Variants in MEIG1 observed in about 807,000 individuals in gnomAD.
MEIG1 encodes meiosis expressed gene 1 protein homolog.
In MEIG1, 12 loss-of-function variants were observed where a neutral mutation model predicts 11.3. The observed-to-expected ratio is 1.07, with a 90% CI of 0.68 to 1.73. The LOEUF is 1.73. Among genes scored for constraint, MEIG1 ranks in the 40% most tolerant of loss-of-function variants. MEIG1 has a pLI of 0.00. For synonymous variants in MEIG1, 41 were observed against 33.2 expected (o/e 1.24, Z -0.81); for missense variants, 119 against 104.9 (o/e 1.13, Z -0.59).
At chr10:14,967,980 G>C (rs1280255095) in intron 2 of MEIG1, among the ~76,000 whole-genome samples, 1 of 151,818 alleles carries the variant, frequency 6.6e-6, no homozygotes, top group East Asian at 1.9e-4. Flanking sequence ...ATTGGTCAAG[G>C]GTCAACTGTA....
chr10:14,957,590 T>C (rs1194126465), upstream of MEIG1, among the ~76,000 whole-genome samples: 1 of 152,128 alleles, frequency 6.6e-6, no homozygotes, highest in African/African-American at 2.4e-5. Flanking sequence ...TGGGAAGCCA[T>C]TGCAGGGTTG....
At chr10:14,980,875 A>T (rs1263760374) in intron 1 of MEIG1, among the ~76,000 whole-genome samples, 1 of 152,168 alleles carries the variant, frequency 6.6e-6, no homozygotes, top group African/African-American at 2.4e-5. Flanking sequence ...AGGTCCAAGC[A>T]GGTGAAGCAG....
chr10:14,959,231 C>T (rs1221543814), upstream of MEIG1, among the ~76,000 whole-genome samples: 2 of 152,196 alleles, frequency 1.3e-5, no homozygotes, highest in African/African-American at 4.8e-5. Flanking sequence ...TGAGCCCTGG[C>T]AGCGCTCCTA....
At chr10:14,981,152 C>G (rs1291980746) in intron 1 of MEIG1, among the ~76,000 whole-genome samples, 1 of 151,432 alleles carries the variant, frequency 6.6e-6, no homozygotes, top group Non-Finnish European at 1.5e-5. Context: ...GCGGCTGGGC[C>G]CCAGTCTTAA....
intron 1 of MEIG1, among the ~76,000 whole-genome samples, chr10:14,981,472 G>A (rs1425405158): frequency 1.3e-5 from 2 of 152,126 alleles, no homozygotes; most frequent in East Asian, 3.9e-4. Flanking sequence ...CGAGCAGAAA[G>A]CTTGCTTTGC....
upstream of MEIG1, among the ~76,000 whole-genome samples, chr10:14,956,314 C>T (rs575552770): frequency 5.8e-4 from 89 of 152,254 alleles, no homozygotes; most frequent in Middle Eastern, 0.014. Context: ...TGTGGTGGCT[C>T]ATGCCTATAA....
chr10:14,977,395 A>G (rs768358106), downstream of MEIG1, among the ~76,000 whole-genome samples: 3 of 141,796 alleles, frequency 2.1e-5, no homozygotes, highest in Non-Finnish European at 3.0e-5. Flanking sequence ...AAATGCGTGT[A>G]CACGTGATAT....
At chr10:14,966,741 A>T in intron 2 of MEIG1, 135 bp downstream of exon 2, 1 of 890,944 alleles carries the variant, frequency 1.1e-6, no homozygotes. Context: ...TCTTTTATTT[A>T]CTTTTATTTT....
chr10:14,955,558 G>C (rs999640568), upstream of MEIG1, among the ~76,000 whole-genome samples: 5 of 152,072 alleles, frequency 3.3e-5, no homozygotes, highest in African/African-American at 4.8e-5. Context: ...ACAAAAATCG[G>C]CCGGGCATGG....
intron 2 of MEIG1, chr10:14,970,350 A>G (rs1018550279): frequency 1.3e-5 from 2 of 152,282 alleles, no homozygotes; most frequent in Non-Finnish European, 2.9e-5. Context: ...AATGTCTAGA[A>G]GTCAACAAGC....
upstream of MEIG1, among the ~76,000 whole-genome samples, chr10:14,955,350 G>A (rs1219257484): frequency 6.6e-6 from 1 of 152,140 alleles, no homozygotes; most frequent in Non-Finnish European, 1.5e-5. Context: ...CCACAGAGAC[G>A]CAAGGTAACG....
At chr10:14,973,935 G>C (rs560431726), downstream of MEIG1, among the ~76,000 whole-genome samples, 12 of 152,232 alleles carry the variant, frequency 7.9e-5, no homozygotes, top group South Asian at 2.5e-3. Flanking sequence ...GCGCTTTGAC[G>C]GACTAAGGCC....
At chr10:14,968,831 C>T (rs1843117655) in intron 2 of MEIG1, among the ~76,000 whole-genome samples, 1 of 152,136 alleles carries the variant, frequency 6.6e-6, no homozygotes, top group South Asian at 2.1e-4. Flanking sequence ...GTAATCCCAG[C>T]AGTTTGGGAG....
At chr10:14,972,346 A>T (rs1322601697) in intron 2 of MEIG1, among the ~76,000 whole-genome samples, 167 bp from the exon 3 acceptor site, 3 of 152,182 alleles carry the variant, frequency 2.0e-5, no homozygotes, top group African/African-American at 7.2e-5. Context: ...TAAGGCTGCA[A>T]TGTAAGATGT....
At chr10:14,982,998 T>C (rs537993782) in intron 1 of MEIG1, among the ~76,000 whole-genome samples, 1 of 151,920 alleles carries the variant, frequency 6.6e-6, no homozygotes, top group Admixed American at 6.6e-5. Context: ...ATATTAATAT[T>C]AATATTGGTA....
the MEIG1 span, chr10:14,954,333 G>A: frequency 2.3e-6 from 1 of 443,326 alleles, no homozygotes; most frequent in Non-Finnish European, 4.2e-6. Context: ...CTGTGGAGGT[G>A]CAGTCGCGGG....
At chr10:14,954,417 A>G (rs3814175), upstream of MEIG1, 22,126 of 312,606 alleles carry the variant, frequency 0.071, 2,008 homozygotes, top group East Asian at 0.28. Context: ...GCGCTTAGAA[A>G]TCATTCTTCG....
At chr10:14,977,253 C>G (rs889346008), downstream of MEIG1, among the ~76,000 whole-genome samples, 3 of 152,038 alleles carry the variant, frequency 2.0e-5, no homozygotes, top group Non-Finnish European at 4.4e-5. Context: ...ATGATACTCC[C>G]AATGTCACAG....
intron 1 of MEIG1, among the ~76,000 whole-genome samples, chr10:14,981,425 G>T (rs1843261483): frequency 6.6e-6 from 1 of 152,124 alleles, no homozygotes; most frequent in African/African-American, 2.4e-5. Flanking sequence ...AAAAACTGAT[G>T]AATGACTTGA....
Sources: gnomAD v4.1 joint callset for allele counts (sites outside exome capture counted in the v4.1 genomes callset) on GRCh38, gnomAD v4.1.1 for gene constraint, MANE v1.5 for transcripts, NCBI Gene and HGNC (gene_info 2026-07-23, HGNC 2026-07-21) for gene names.